COQ8B: variants seen among roughly 807,000 people sequenced by gnomAD.
COQ8B encodes the protein atypical kinase COQ8B, mitochondrial.
A neutral mutation model predicts 62.0 loss-of-function variants in COQ8B; 44 were observed. The ratio of observed to expected loss-of-function variants is 0.71; its 90% CI spans 0.56 to 0.91. The LOEUF is 0.91. Ranked by LOEUF, COQ8B falls within the 40% of genes least tolerant of loss-of-function variation. COQ8B has a pLI of 0.00. For synonymous variants in COQ8B, 252 were observed against 289.9 expected (o/e 0.87, Z 1.33); for missense variants, 649 against 731.6 (o/e 0.89, Z 1.30).
intron 1 of COQ8B, 22 bp downstream of exon 1, chr19:40,716,565 A>T (rs1211370249): frequency 6.6e-6 from 1 of 152,272 alleles, no homozygotes; most frequent in Non-Finnish European, 1.5e-5. Context: ...CAAGTACTCT[A>T]TACATGACAG....
chr19:40,714,442 C>A (rs1243170343), intron 2 of COQ8B, 45 bp from the exon 3 acceptor site: 2 of 1,612,636 alleles, frequency 1.2e-6, no homozygotes, highest in Non-Finnish European at 1.7e-6. Flanking sequence ...CATGGGATCA[C>A]CTGGCCCTTC....
rs765973248 is a variant in COQ8B, at chr19:40,703,647, G to A, written c.718-25C>T. The stretch of plus-strand genomic sequence containing the variant: ...ACTGTAAAGGGAGAAGGGAGGGAGA[G>A]AAGGTGGGAGTCACTTCTCTGGGCT... On this transcript the variant is annotated intron_variant, in intron 8 of 14. Coordinates refer to ENST00000324464, the MANE Select transcript of COQ8B (RefSeq NM_024876.4). The A allele has an allele frequency of 2.1e-5, 34 of 1,613,500 alleles. No homozygotes were observed. The East Asian group carries it at 4.5e-4, about 21-fold the overall frequency.
chr19:40,714,446 G>A, intron 2 of COQ8B, 49 bp from the exon 3 acceptor site: 1 of 1,612,834 alleles, frequency 6.2e-7, no homozygotes, highest in South Asian at 1.1e-5. Flanking sequence ...GGATCACCTG[G>A]CCCTTCTGGA....
intron 5 of COQ8B, among the ~76,000 whole-genome samples, chr19:40,709,775 G>A (rs889821322): frequency 1.3e-5 from 2 of 152,108 alleles, no homozygotes; most frequent in Non-Finnish European, 2.9e-5. Context: ...CTGGGAGGTG[G>A]AGGTTGCAGT....
intron 12 of COQ8B, among the ~76,000 whole-genome samples, chr19:40,697,849 T>G (rs5027348): frequency 0.54 from 32,604 of 60,274 alleles, 7,227 homozygotes; most frequent in East Asian, 0.66. Flanking sequence ...TATATATATA[T>G]ATAGAGAGAG....
intron 1 of COQ8B, 118 bp from the exon 2 acceptor site, chr19:40,714,753 T>G: frequency 7.7e-7 from 1 of 1,291,890 alleles, no homozygotes; most frequent in Non-Finnish European, 1.0e-6. Flanking sequence ...TCCTCCACTA[T>G]TAATAGATTC....
chr19:40,714,500 C>T, intron 2 of COQ8B, 31 bp downstream of exon 2: 5 of 1,613,854 alleles, frequency 3.1e-6, no homozygotes, highest in Non-Finnish European at 4.2e-6. Flanking sequence ...TCAGCCTCTT[C>T]CCCTTGGGGA....
At chr19:40,696,109 T>A in intron 12 of COQ8B, 55 bp from the exon 13 acceptor site, 3 of 1,575,410 alleles carry the variant, frequency 1.9e-6, no homozygotes, top group Non-Finnish European at 2.6e-6. Context: ...ACCCTCACTG[T>A]CTATTGGGGC....
intron 4 of COQ8B, 106 bp downstream of exon 4, chr19:40,713,961 T>A: frequency 8.2e-7 from 1 of 1,219,340 alleles, no homozygotes; most frequent in Non-Finnish European, 1.2e-6. Flanking sequence ...TCTTTTTTTG[T>A]CTCTCTCTCT....
In COQ8B at chr19:40,692,224, G is replaced by A. The variant is rs142980507; in HGVS notation, c.1446C>T (p.Pro482=). 14 of 1,607,008 alleles carry A rather than the reference G, an allele frequency of 8.7e-6. No individual in the cohort carries two copies. Among genetic ancestry groups the A allele is most frequent in the East Asian group, 2.3e-5 (1 of 44,424 alleles). Residue 482 remains proline, a synonymous_variant, in exon 15 of 15, where the codon CCC becomes CCT. Coordinates refer to ENST00000324464, the MANE Select transcript of COQ8B (RefSeq NM_024876.4). Reference sequence around the variant, plus strand: ...TGCGGTGCAGGGCATAGGTCTCCTCGGGTGGGGGACACAGCCGGTGCCGCA... The same window carrying A: ...TGCGGTGCAGGGCATAGGTCTCCTCAGGTGGGGGACACAGCCGGTGCCGCA... ...VLLRHRLCPP[P]EETYALHRKL... is the part of the protein sequence containing the mutation.
At chr19:40,703,931 C>A in intron 7 of COQ8B, 76 bp from the exon 8 acceptor site, 2 of 1,497,966 alleles carry the variant, frequency 1.3e-6, no homozygotes, top group East Asian at 2.4e-5. Flanking sequence ...GTGTTGATAA[C>A]CCCAGCACTC....
chr19:40,700,498 G>C (rs1175482330), intron 10 of COQ8B, 47 bp from the exon 11 acceptor site: 1 of 1,593,166 alleles, frequency 6.3e-7, no homozygotes, highest in Admixed American at 1.7e-5. Context: ...CTTCAGGCTT[G>C]TGACCCAGCT....
chr19:40,697,875 G>GAGAGAGAGAGAGAGAGAGAGAGAGAGC (rs58313890), intron 12 of COQ8B, among the ~76,000 whole-genome samples: 14 of 103,462 alleles, frequency 1.4e-4, no homozygotes, highest in Non-Finnish European at 1.7e-4. Context: ...GAGAGAGAGA[G>GAGAGAGAGAGAGAGAGAGAGAGAGAGC]AGTTTCTACT....
At chr19:40,695,702 G>A (rs983474614) in intron 13 of COQ8B, among the ~76,000 whole-genome samples, 2 of 152,098 alleles carry the variant, frequency 1.3e-5, no homozygotes, top group African/African-American at 2.4e-5. Context: ...TCTTGGGCAC[G>A]TGACTTAACC....
At chr19:40,697,874 A>AGAGAGAGAGT (rs202234463) in intron 12 of COQ8B, among the ~76,000 whole-genome samples, 12 of 96,996 alleles carry the variant, frequency 1.2e-4, no homozygotes, top group African/African-American at 3.7e-4. Context: ...AGAGAGAGAG[A>AGAGAGAGAGT]GAGTTTCTAC....
chr19:40,715,057 T>C, intron 1 of COQ8B: 1 of 974,892 alleles, frequency 1.0e-6, no homozygotes, highest in Non-Finnish European at 1.2e-6. Context: ...AAGCACCCAC[T>C]GCTCTCAGCC....
chr19:40,693,268 A>G (rs1339170737), intron 13 of COQ8B, among the ~76,000 whole-genome samples: 11 of 152,146 alleles, frequency 7.2e-5, no homozygotes, highest in Non-Finnish European at 1.6e-4. Flanking sequence ...CCTAGAGGGC[A>G]ATGTGGGGCC....
At chr19:40,715,503 C>G (rs1454562328) in intron 1 of COQ8B, 2 of 985,388 alleles carry the variant, frequency 2.0e-6, no homozygotes, top group East Asian at 2.3e-4. Flanking sequence ...CAAACATTTC[C>G]CTTGCACATG....
intron 5 of COQ8B, among the ~76,000 whole-genome samples, chr19:40,706,539 C>T (rs1367125233): frequency 6.6e-6 from 1 of 152,168 alleles, no homozygotes; most frequent in Non-Finnish European, 1.5e-5. Flanking sequence ...AATCATGGCT[C>T]ACTGCAACCT....
Sources: gnomAD v4.1 joint callset for allele counts (sites outside exome capture counted in the v4.1 genomes callset) on GRCh38, gnomAD v4.1.1 for gene constraint, MANE v1.5 for transcripts, NCBI Gene and HGNC (gene_info 2026-07-23, HGNC 2026-07-21) for gene names.